AGMO: variants seen among roughly 807,000 people sequenced by gnomAD.
The protein encoded by AGMO is glyceryl-ether monooxygenase.
Under a neutral mutation model 60.2 loss-of-function variants are expected in AGMO, and 75 were observed. That is an observed-to-expected ratio of 1.25 (90% CI 1.03 to 1.51). The LOEUF (loss-of-function observed/expected upper bound fraction) is 1.51, where lower values mean the gene tolerates loss of function less well. AGMO is among the 40% of genes most tolerant of loss of function. AGMO has a pLI of 0.00. For missense variants in AGMO, 763 were observed against 525.5 expected (o/e 1.45, Z -4.42); for synonymous variants, 261 against 177.1 (o/e 1.47, Z -3.76).
At chr7:15,335,880 G>C (rs1781643199) in intron 12 of AGMO, among the ~76,000 whole-genome samples, 1 of 152,006 alleles carries the variant, frequency 6.6e-6, no homozygotes, top group African/African-American at 2.4e-5. Context: ...ATTTTAAATA[G>C]ATCACACTAA....
intron 3 of AGMO, among the ~76,000 whole-genome samples, chr7:15,472,322 A>G (rs1208066438): frequency 6.6e-6 from 1 of 151,944 alleles, no homozygotes; most frequent in Non-Finnish European, 1.5e-5. Flanking sequence ...TATGTTCAAA[A>G]AGCTGAATGG....
chr7:15,472,295 A>C (rs1367765510), intron 3 of AGMO, among the ~76,000 whole-genome samples: 1 of 151,990 alleles, frequency 6.6e-6, no homozygotes, highest in Non-Finnish European at 1.5e-5. Flanking sequence ...TTGAGTAGAA[A>C]GAATAATTGA....
the AGMO span, among the ~76,000 whole-genome samples, chr7:15,125,351 G>T: frequency 6.6e-6 from 1 of 152,108 alleles, no homozygotes; most frequent in Non-Finnish European, 1.5e-5. Flanking sequence ...TTTGCAGTCT[G>T]CAGTTTGTGG....
At chr7:15,353,987 G>A (rs1782354590) in intron 12 of AGMO, among the ~76,000 whole-genome samples, 2 of 152,074 alleles carry the variant, frequency 1.3e-5, no homozygotes, top group African/African-American at 4.8e-5. Flanking sequence ...AATTTCATGT[G>A]ATAGTTTGCA....
intron 2 of AGMO, among the ~76,000 whole-genome samples, chr7:15,551,146 T>C (rs1784948697): frequency 6.6e-6 from 1 of 152,160 alleles, no homozygotes; most frequent in Non-Finnish European, 1.5e-5. Flanking sequence ...CTCAATAAAT[T>C]AGATATTGAT....
At chr7:15,208,102 G>A (rs1378094231) in intron 12 of AGMO, among the ~76,000 whole-genome samples, 1 of 152,046 alleles carries the variant, frequency 6.6e-6, no homozygotes, top group Admixed American at 6.5e-5. Context: ...TATATTCATG[G>A]GGTGTCCAGA....
At chr7:15,194,226 T>C in the AGMO span, among the ~76,000 whole-genome samples, 1 of 152,190 alleles carries the variant, frequency 6.6e-6, no homozygotes, top group African/African-American at 2.4e-5. Context: ...AAAATATTGA[T>C]CCGTTTGGAA....
intron 3 of AGMO, among the ~76,000 whole-genome samples, chr7:15,505,175 G>A (rs114960262): frequency 2.0e-5 from 3 of 151,754 alleles, no homozygotes; most frequent in Non-Finnish European, 1.5e-5. Context: ...AGTGATATAC[G>A]AATAGATGGA....
chr7:15,355,392 A>C (rs1345925204), intron 12 of AGMO, among the ~76,000 whole-genome samples: 1 of 149,882 alleles, frequency 6.7e-6, no homozygotes, highest in Admixed American at 6.8e-5. Context: ...AGTCCCAGCT[A>C]CTCGGGAGGC....
intron 12 of AGMO, among the ~76,000 whole-genome samples, chr7:15,201,708 A>C (rs1781288323): frequency 6.6e-6 from 1 of 152,178 alleles, no homozygotes; most frequent in Non-Finnish European, 1.5e-5. Context: ...AGATGATCTA[A>C]TTGCTTATAT....
the AGMO span, among the ~76,000 whole-genome samples, chr7:15,120,772 C>A: frequency 2.0e-5 from 3 of 151,500 alleles, no homozygotes; most frequent in African/African-American, 7.3e-5. Flanking sequence ...TCTTTTTTTT[C>A]TTTTTTTGAA....
intron 12 of AGMO, among the ~76,000 whole-genome samples, chr7:15,207,087 A>T (rs1781458296): frequency 6.6e-6 from 1 of 152,220 alleles, no homozygotes; most frequent in African/African-American, 2.4e-5. Flanking sequence ...CCTATGGTTC[A>T]TCCAGACCGC....
the AGMO span, among the ~76,000 whole-genome samples, chr7:15,145,578 G>T: frequency 1.3e-5 from 2 of 151,990 alleles, no homozygotes; most frequent in East Asian, 1.9e-4. Context: ...TGTTTTTACT[G>T]TATTTTTGGT....
chr7:15,324,642 A>C (rs1449444845), intron 12 of AGMO, among the ~76,000 whole-genome samples: 1 of 152,192 alleles, frequency 6.6e-6, no homozygotes, highest in Admixed American at 6.5e-5. Context: ...AACATGTTTC[A>C]TGGAAGGCAA....
chr7:15,463,676 C>T (rs1260290433), intron 3 of AGMO, among the ~76,000 whole-genome samples: 1 of 152,000 alleles, frequency 6.6e-6, no homozygotes, highest in Non-Finnish European at 1.5e-5. Flanking sequence ...GCCAGTGCAT[C>T]TATCTAGAGG....
rs367997176 is a variant in AGMO, at chr7:15,531,347, C to CTA, written c.409+13423_409+13424dup. The stretch of plus-strand genomic sequence containing the variant: ...ATTCTATATATATTCTATATATATT[C>CTA]TATATATATTCTATATATATATTCT... On this transcript the variant is annotated intron_variant, in intron 3 of 12. Transcript: ENST00000342526. 1.0e-3 allele frequency among the ~76,000 whole-genome samples: 51 copies of CTA among 51,248 alleles called. 3 individuals are homozygous for CTA. Among genetic ancestry groups the CTA allele is most frequent in the African/African-American group, 3.3e-3 (35 of 10,698 alleles). The allele number at this position is 51,248 out of a possible 152,430, so 33.6% of individuals were successfully genotyped here. A position where few individuals can be genotyped will look rare whatever the true frequency, so the allele number is the denominator to read the frequency against.
At chr7:15,379,529 T>G (rs79880341) in intron 10 of AGMO, among the ~76,000 whole-genome samples, 3 of 152,038 alleles carry the variant, frequency 2.0e-5, no homozygotes, top group African/African-American at 4.8e-5. Flanking sequence ...CCTGGATACA[T>G]ACACCCTCCT....
chr7:15,357,966 G>C (rs908805021), intron 12 of AGMO, among the ~76,000 whole-genome samples: 1 of 151,836 alleles, frequency 6.6e-6, no homozygotes, highest in African/African-American at 2.4e-5. Context: ...AGAAAAGAAA[G>C]GAAGAGAAAA....
chr7:15,431,201 A>T (rs992401653), intron 3 of AGMO, 93 bp from the exon 4 acceptor site: 4 of 809,108 alleles, frequency 4.9e-6, no homozygotes, highest in Admixed American at 2.3e-5. Flanking sequence ...AGTGAGGAAG[A>T]AAAATCTGGA....
Sources: gnomAD v4.1 joint callset for allele counts (sites outside exome capture counted in the v4.1 genomes callset) on GRCh38, gnomAD v4.1.1 for gene constraint, MANE v1.5 for transcripts, NCBI Gene and HGNC (gene_info 2026-07-23, HGNC 2026-07-21) for gene names.